NUDCD3: variants seen among roughly 807,000 people sequenced by gnomAD.
NUDCD3 encodes the protein NudC domain containing 3.
NUDCD3 carries 13 observed loss-of-function variants against 39.7 expected under a neutral mutation model. The observed-to-expected ratio is 0.33, with a 90% CI of 0.21 to 0.52. The LOEUF (loss-of-function observed/expected upper bound fraction) is 0.52, where lower values mean the gene tolerates loss of function less well. NUDCD3 is among the 20% of genes least tolerant of loss of function. The pLI is 0.96. For missense variants in NUDCD3, 453 were observed against 458.1 expected (o/e 0.99, Z 0.10); for synonymous variants, 175 against 172.4 (o/e 1.02, Z -0.12).
At chr7:44,411,179 G>A (rs1351936922) in intron 3 of NUDCD3, among the ~76,000 whole-genome samples, 8 of 151,782 alleles carry the variant, frequency 5.3e-5, no homozygotes, top group Non-Finnish European at 8.8e-5. Flanking sequence ...ACTCAAAATG[G>A]ATCAAAAACC....
chr7:44,442,719 A>T (rs1403552881), intron 2 of NUDCD3, among the ~76,000 whole-genome samples: 1 of 131,568 alleles, frequency 7.6e-6, no homozygotes, highest in East Asian at 2.3e-4. Context: ...TTTTTGAGAC[A>T]GAGTCTCACT....
At chr7:44,481,923 T>C (rs1800499902) in intron 2 of NUDCD3, among the ~76,000 whole-genome samples, 1 of 152,166 alleles carries the variant, frequency 6.6e-6, no homozygotes, top group African/African-American at 2.4e-5. Flanking sequence ...GCAAGGTAAC[T>C]ACGAATCAGA....
chr7:44,454,889 A>T (rs919709785), intron 2 of NUDCD3, among the ~76,000 whole-genome samples: 1 of 151,900 alleles, frequency 6.6e-6, no homozygotes, highest in Non-Finnish European at 1.5e-5. Context: ...AGCCAAGATC[A>T]TGCCATTGCA....
chr7:44,398,768 T>C (rs1798669279), intron 4 of NUDCD3, among the ~76,000 whole-genome samples: 1 of 152,104 alleles, frequency 6.6e-6, no homozygotes, highest in Admixed American at 6.5e-5. Flanking sequence ...TATGGGAATG[T>C]TGTGGGACGT....
At chr7:44,463,015 T>C (rs1195076234) in intron 2 of NUDCD3, among the ~76,000 whole-genome samples, 1 of 151,600 alleles carries the variant, frequency 6.6e-6, no homozygotes, top group Non-Finnish European at 1.5e-5. Context: ...AAAAGATTTA[T>C]AGTATCTTTT....
intron 2 of NUDCD3, among the ~76,000 whole-genome samples, chr7:44,452,183 C>T (rs1585088291): frequency 6.6e-6 from 1 of 152,250 alleles, no homozygotes; most frequent in South Asian, 2.1e-4. Flanking sequence ...TGGCTCACAC[C>T]TGTAATCCCA....
At chr7:44,474,936 C>T (rs1408054306) in intron 2 of NUDCD3, among the ~76,000 whole-genome samples, 1 of 152,022 alleles carries the variant, frequency 6.6e-6, no homozygotes, top group African/African-American at 2.4e-5. Context: ...AGGCTCAATC[C>T]CCAGGTGGGG....
Position 44,381,772 on chromosome 7 carries a change from G to C in NUDCD3, c.*4239C>G, listed in dbSNP as rs1489604474. The C allele has an allele frequency of 6.6e-6, 1 of 152,352 alleles. No homozygotes were observed. Among genetic ancestry groups the C allele is most frequent in the Non-Finnish European group, 1.5e-5 (1 of 68,138 alleles). 9.4% of individuals were successfully genotyped at this position (152,352 alleles called of 1,614,324 possible). ...TGACAGTACCCTCGTGAACCTGCCTGAGGGTGGCCACATTCCCACACCCCA... is the reference window on the plus strand; with the variant it reads ...TGACAGTACCCTCGTGAACCTGCCTCAGGGTGGCCACATTCCCACACCCCA... On this transcript the variant is annotated 3_prime_UTR_variant, in exon 6 of 6. Coordinates refer to ENST00000355451, the MANE Select transcript of NUDCD3 (RefSeq NM_015332.4).
At chr7:44,391,710 A>T (rs1798519439) in intron 5 of NUDCD3, among the ~76,000 whole-genome samples, 1 of 151,964 alleles carries the variant, frequency 6.6e-6, no homozygotes, top group Non-Finnish European at 1.5e-5. Flanking sequence ...CTAAATAGCT[A>T]CTCTTGGAGT....
chr7:44,446,692 C>T (rs549597490), intron 2 of NUDCD3, among the ~76,000 whole-genome samples: 18 of 152,294 alleles, frequency 1.2e-4, no homozygotes, highest in African/African-American at 4.3e-4. Flanking sequence ...GGGCTGTCTG[C>T]GTATCTCACT....
chr7:44,399,014 A>G (rs1176015461), intron 4 of NUDCD3, among the ~76,000 whole-genome samples: 2 of 152,262 alleles, frequency 1.3e-5, no homozygotes, highest in Non-Finnish European at 2.9e-5. Context: ...AAGACACTGT[A>G]TAGGCCAGAT....
In NUDCD3 at chr7:44,385,935, T is replaced by A; in HGVS notation, c.*76A>T. 1 of 778,950 alleles carries A rather than the reference T, an allele frequency of 1.3e-6. No individual in the cohort carries two copies. Among genetic ancestry groups the A allele is most frequent in the South Asian group, 1.4e-5 (1 of 70,808 alleles). The allele number at this position is 778,950 out of a possible 1,614,324, so 48.3% of individuals were successfully genotyped here. On this transcript the variant is annotated 3_prime_UTR_variant, in exon 6 of 6. Transcript: ENST00000355451. ...AAACAAGACGAGCAAGTCCCTGGAATGCAGGGAGCCAAGAAGGGCAGCCGA... is the reference window on the plus strand; with the variant it reads ...AAACAAGACGAGCAAGTCCCTGGAAAGCAGGGAGCCAAGAAGGGCAGCCGA...
In NUDCD3 at chr7:44,383,871, C is replaced by G. The variant is rs1045570368; in HGVS notation, c.*2140G>C. ...AGCGTGGCTCAACGGGAGCAAGGCG[C>G]GCAGGGACAGGCTCCACAACCACAC... On this transcript the variant is annotated 3_prime_UTR_variant, in exon 6 of 6. Coordinates refer to ENST00000355451, the MANE Select transcript of NUDCD3 (RefSeq NM_015332.4). The G allele has an allele frequency of 3.3e-5, 5 of 152,294 alleles. No homozygotes were observed. Among genetic ancestry groups the G allele is most frequent in the Admixed American group, 6.5e-5 (1 of 15,280 alleles). The allele number at this position is 152,294 out of a possible 1,614,324, so 9.4% of individuals were successfully genotyped here.
At chr7:44,430,595 CACACACACAA>C (rs1482410455) in intron 2 of NUDCD3, among the ~76,000 whole-genome samples, 8 of 151,372 alleles carry the variant, frequency 5.3e-5, no homozygotes, top group African/African-American at 2.0e-4. Context: ...CACACACACA[CACACACACAA>C]AAGACCAACA....
At chr7:44,437,151 CCT>C (rs1300467737) in intron 2 of NUDCD3, among the ~76,000 whole-genome samples, 14 of 148,344 alleles carry the variant, frequency 9.4e-5, no homozygotes, top group African/African-American at 3.5e-4. Flanking sequence ...CTCACTGCAA[CCT>C]CTGACTCCTG....
At chr7:44,425,957 T>C (rs952575168) in intron 3 of NUDCD3, 16 of 176,842 alleles carry the variant, frequency 9.0e-5, no homozygotes, top group Non-Finnish European at 7.7e-5. Context: ...AAGTTGCGAA[T>C]GTTACAGGTA....
intron 2 of NUDCD3, among the ~76,000 whole-genome samples, chr7:44,454,135 C>G (rs1799846645): frequency 6.6e-6 from 1 of 152,042 alleles, no homozygotes; most frequent in African/African-American, 2.4e-5. Flanking sequence ...GTCAGGAGAT[C>G]AAGACCATCC....
chr7:44,444,631 G>T (rs17711624), intron 2 of NUDCD3, among the ~76,000 whole-genome samples: 1 of 152,036 alleles, frequency 6.6e-6, no homozygotes, highest in Non-Finnish European at 1.5e-5. Context: ...CAACTTTAAC[G>T]TTAATTAGCA....
chr7:44,481,099 G>T (rs1179890057), intron 2 of NUDCD3, among the ~76,000 whole-genome samples: 1 of 151,912 alleles, frequency 6.6e-6, no homozygotes, highest in South Asian at 2.1e-4. Context: ...ATTAGGGATT[G>T]TAAGTAATCT....
Sources: gnomAD v4.1 joint callset for allele counts (sites outside exome capture counted in the v4.1 genomes callset) on GRCh38, gnomAD v4.1.1 for gene constraint, MANE v1.5 for transcripts, NCBI Gene and HGNC (gene_info 2026-07-23, HGNC 2026-07-21) for gene names.